The following UBE2E2 variants were observed in gnomAD, a reference collection of about 807,000 sequenced individuals.
UBE2E2 encodes ubiquitin-conjugating enzyme E2 E2.
A neutral mutation model predicts 24.7 loss-of-function variants in UBE2E2; 6 were observed. That is an observed-to-expected ratio of 0.24 (90% CI 0.13 to 0.48). UBE2E2 has a LOEUF of 0.48. Among genes scored for constraint, UBE2E2 ranks in the 20% least tolerant of loss-of-function variants. The pLI is 0.99. For missense variants in UBE2E2, 169 were observed against 245.0 expected (o/e 0.69, Z 2.07); for synonymous variants, 104 against 83.6 (o/e 1.24, Z -1.33).
At chr3:23,544,245 GAAAT>G in intron 5 of UBE2E2, among the ~76,000 whole-genome samples, 1 of 152,210 alleles carries the variant, frequency 6.6e-6, no homozygotes, top group East Asian at 1.9e-4. Context: ...CACAGTGAAA[GAAAT>G]AATCCTCAGA....
At chr3:23,352,921 GAC>G in intron 3 of UBE2E2, among the ~76,000 whole-genome samples, 1 of 152,128 alleles carries the variant, frequency 6.6e-6, no homozygotes, top group Non-Finnish European at 1.5e-5. Context: ...GCCGGGCAGA[GAC>G]ACAACCAAAA....
Position 23,591,283 on chromosome 3 carries a change from A to G in UBE2E2, c.*1452A>G, listed in dbSNP as rs1696756869. 6.6e-6 allele frequency: 1 copy of G among 152,234 alleles called. No individual in the cohort carries two copies. Among genetic ancestry groups the G allele is most frequent in the Non-Finnish European group, 1.5e-5 (1 of 68,048 alleles). 9.4% of individuals were successfully genotyped at this position (152,234 alleles called of 1,614,324 possible). A position where few individuals can be genotyped will look rare whatever the true frequency, so the allele number is the denominator to read the frequency against. ...TACTCTTGGTCTCATTTAAGGAACC[A>G]TTAACACCTTCACTGCTGAAAAGCA... On this transcript the variant is annotated 3_prime_UTR_variant, in exon 6 of 6. Coordinates refer to ENST00000396703, the MANE Select transcript of UBE2E2 (RefSeq NM_152653.4).
chr3:23,424,439 GT>G lies in UBE2E2; in HGVS notation c.228-75156del, dbSNP rs35712816. The stretch of plus-strand genomic sequence containing the variant: ...CATATTAACTGACTTAAACACCTTT[GT>G]TTTTTTTTTTTTCTGTATTTGCTTT... On this transcript the variant is annotated intron_variant, in intron 3 of 5. Transcript: ENST00000396703. Among the ~76,000 whole-genome samples the G allele has an allele frequency of 1.9e-3, 267 of 143,218 alleles. 1 individual carries two copies. In the East Asian group the frequency reaches 0.038, roughly 20 times the overall value. 94.0% of individuals were successfully genotyped at this position (143,218 alleles called of 152,430 possible).
intron 4 of UBE2E2, among the ~76,000 whole-genome samples, chr3:23,519,123 T>A (rs1459065000): frequency 6.6e-6 from 1 of 152,158 alleles, no homozygotes; most frequent in Non-Finnish European, 1.5e-5. Context: ...TTCTAACCAT[T>A]TTTAAGTAAA....
intron 4 of UBE2E2, among the ~76,000 whole-genome samples, chr3:23,505,822 T>G (rs1263079100): frequency 6.6e-6 from 1 of 152,168 alleles, no homozygotes; most frequent in African/African-American, 2.4e-5. Context: ...GTGAAATAGA[T>G]GGGGTCTTCA....
intron 3 of UBE2E2, among the ~76,000 whole-genome samples, chr3:23,344,671 T>C (rs1217349671): frequency 1.3e-5 from 2 of 151,828 alleles, no homozygotes; most frequent in African/African-American, 4.8e-5. Context: ...CTGGGCAACA[T>C]AGTGAGACAA....
intron 3 of UBE2E2, among the ~76,000 whole-genome samples, chr3:23,391,083 A>T (rs747765045): frequency 1.3e-5 from 2 of 152,184 alleles, no homozygotes; most frequent in African/African-American, 4.8e-5. Flanking sequence ...AAATAATTCT[A>T]TGTGGTTAGG....
chr3:23,217,642 T>C (rs1280973419), intron 3 of UBE2E2, among the ~76,000 whole-genome samples: 1 of 152,094 alleles, frequency 6.6e-6, no homozygotes, highest in Non-Finnish European at 1.5e-5. Context: ...AATGATAGAA[T>C]AATAGCATGG....
chr3:23,518,682 G>A (rs995754587), intron 4 of UBE2E2, among the ~76,000 whole-genome samples: 2 of 152,154 alleles, frequency 1.3e-5, no homozygotes, highest in African/African-American at 4.8e-5. Context: ...GGCTTGATGG[G>A]AACTGGTTTT....
chr3:23,359,581 T>C (rs756032325), intron 3 of UBE2E2, among the ~76,000 whole-genome samples: 12 of 152,312 alleles, frequency 7.9e-5, no homozygotes, highest in Non-Finnish European at 1.3e-4. Flanking sequence ...CTTTGATCTA[T>C]TAAAAAAAAT....
chr3:23,236,046 C>G (rs756937172), intron 3 of UBE2E2, among the ~76,000 whole-genome samples: 6 of 151,952 alleles, frequency 3.9e-5, no homozygotes, highest in Non-Finnish European at 7.4e-5. Flanking sequence ...CAAAACCAAG[C>G]CCTCGTAACA....
chr3:23,360,995 A>G (rs142522532), intron 3 of UBE2E2, among the ~76,000 whole-genome samples: 49 of 152,246 alleles, frequency 3.2e-4, no homozygotes, highest in African/African-American at 1.2e-3. Flanking sequence ...AGAAAAAAAA[A>G]TCCCATCAAA....
chr3:23,584,652 C>G (rs1174192641), intron 5 of UBE2E2, among the ~76,000 whole-genome samples: 4 of 151,398 alleles, frequency 2.6e-5, no homozygotes, highest in Middle Eastern at 3.4e-3. Context: ...CCCCTGGGCT[C>G]CAGTGAACCT....
chr3:23,297,581 G>A (rs867922128), intron 3 of UBE2E2, among the ~76,000 whole-genome samples: 1 of 152,150 alleles, frequency 6.6e-6, no homozygotes, highest in African/African-American at 2.4e-5. Flanking sequence ...TTTCCCCATT[G>A]CTTGTTTTTG....
At chr3:23,495,387 C>T (rs866303733) in intron 3 of UBE2E2, among the ~76,000 whole-genome samples, 5 of 152,116 alleles carry the variant, frequency 3.3e-5, no homozygotes, top group Admixed American at 2.6e-4. Context: ...GTAGTGACTC[C>T]TTATTTAGCC....
chr3:23,584,738 T>G (rs188129191), intron 5 of UBE2E2, among the ~76,000 whole-genome samples: 3,943 of 146,414 alleles, frequency 0.027, 104 homozygotes, highest in East Asian at 0.12. Flanking sequence ...TTTTTTTTTT[T>G]TTTTTTTTTT....
chr3:23,420,192 A>G (rs965076218), intron 3 of UBE2E2, among the ~76,000 whole-genome samples: 1 of 152,172 alleles, frequency 6.6e-6, no homozygotes, highest in Non-Finnish European at 1.5e-5. Context: ...GGCAGTATCT[A>G]TGTCTATTCA....
intron 3 of UBE2E2, among the ~76,000 whole-genome samples, chr3:23,225,282 A>G (rs1696788260): frequency 6.6e-6 from 1 of 151,438 alleles, no homozygotes; most frequent in Admixed American, 6.6e-5. Flanking sequence ...CCTTTGAAAC[A>G]TAGAAGTTTT....
At chr3:23,238,247 G>C (rs1697170772) in intron 3 of UBE2E2, among the ~76,000 whole-genome samples, 1 of 152,134 alleles carries the variant, frequency 6.6e-6, no homozygotes, top group South Asian at 2.1e-4. Flanking sequence ...AAAGCCTGCT[G>C]AGCACTTTCA....
Sources: gnomAD v4.1 joint callset for allele counts (sites outside exome capture counted in the v4.1 genomes callset) on GRCh38, gnomAD v4.1.1 for gene constraint, MANE v1.5 for transcripts, NCBI Gene and HGNC (gene_info 2026-07-23, HGNC 2026-07-21) for gene names.